DRC9: variants seen among roughly 807,000 people sequenced by gnomAD.
The protein encoded by DRC9 is dynein regulatory complex subunit 9.
chr3:197,925,415 T>A, the DRC9 span, among the ~76,000 whole-genome samples: 1 of 21,302 alleles, frequency 4.7e-5, no homozygotes, highest in Non-Finnish European at 8.7e-5. Flanking sequence ...GTTTGTGGGG[T>A]GGGATATGAG....
the DRC9 span, chr3:197,938,887 T>A: frequency 1.2e-6 from 1 of 811,402 alleles, no homozygotes; most frequent in Non-Finnish European, 2.0e-6. Flanking sequence ...ACTTCTACTC[T>A]ATACTCCAAG....
the DRC9 span, chr3:197,906,725 A>T: frequency 5.4e-4 from 82 of 152,404 alleles, no homozygotes; most frequent in African/African-American, 1.9e-3. Flanking sequence ...AGGTACTTGC[A>T]GCAGGGCTGC....
the DRC9 span, among the ~76,000 whole-genome samples, chr3:197,923,491 G>T: frequency 6.6e-6 from 1 of 152,044 alleles, no homozygotes; most frequent in Non-Finnish European, 1.5e-5. Context: ...CGTTATGGGG[G>T]GGCCAAGGCA....
the DRC9 span, chr3:197,950,043 A>G: frequency 1.0e-6 from 1 of 984,580 alleles, no homozygotes; most frequent in Non-Finnish European, 1.3e-6. Flanking sequence ...TTAGGAAAAT[A>G]ATTGTAAGAG....
chr3:197,956,904 C>G, the DRC9 span: 58,119 of 152,112 alleles, frequency 0.38, 15,812 homozygotes, highest in African/African-American at 0.78. Context: ...GGTTACTGAT[C>G]TCTACAGCAC....
At chr3:197,921,483 G>A in the DRC9 span, among the ~76,000 whole-genome samples, 1 of 105,270 alleles carries the variant, frequency 9.5e-6, no homozygotes, top group Admixed American at 9.9e-5. Context: ...CAGTAACTCC[G>A]GGGATTTAAC....
At chr3:197,926,667 A>G in the DRC9 span, among the ~76,000 whole-genome samples, 1 of 152,090 alleles carries the variant, frequency 6.6e-6, no homozygotes, top group Non-Finnish European at 1.5e-5. Flanking sequence ...CACACTGCCC[A>G]CAGACTGCTC....
At chr3:197,943,707 G>A in the DRC9 span, 9 of 1,226,140 alleles carry the variant, frequency 7.3e-6, no homozygotes, top group African/African-American at 1.1e-4. Flanking sequence ...TACATTTAAT[G>A]GGATAGGTAC....
the DRC9 span, chr3:197,950,056 C>A: frequency 2.0e-6 from 2 of 1,010,244 alleles, no homozygotes; most frequent in Non-Finnish European, 2.5e-6. Flanking sequence ...TGTAAGAGTG[C>A]TATTGAATGT....
At chr3:197,932,124 T>G in the DRC9 span, 58 of 1,581,786 alleles carry the variant, frequency 3.7e-5, no homozygotes, top group South Asian at 6.5e-4. Flanking sequence ...GTAAGAGTGT[T>G]TTAGCACTTT....
the DRC9 span, among the ~76,000 whole-genome samples, chr3:197,901,418 A>T: frequency 6.6e-6 from 1 of 152,126 alleles, no homozygotes. This position sits in a 1 kb window ranked among gnomAD's most constrained non-coding sequence, Gnocchi z 4.4. Context: ...GATTATAGGC[A>T]TGAGCCACCG....
chr3:197,956,628 T>TG, the DRC9 span: 3 of 151,600 alleles, frequency 2.0e-5, no homozygotes, highest in Non-Finnish European at 4.4e-5. Context: ...TGTATGGTTT[T>TG]TTTTTTTTTT....
At chr3:197,910,561 TCTC>T in the DRC9 span, among the ~76,000 whole-genome samples, 1 of 152,164 alleles carries the variant, frequency 6.6e-6, no homozygotes, top group Admixed American at 6.5e-5. Flanking sequence ...ATCTACAAAT[TCTC>T]CTCTTTAACC....
chr3:197,950,139 G>A, the DRC9 span: 9 of 1,231,704 alleles, frequency 7.3e-6, no homozygotes, highest in Non-Finnish European at 9.1e-6. Flanking sequence ...TAAATTGAGG[G>A]CGGAGTCGAA....
the DRC9 span, chr3:197,955,735 CT>C: frequency 1.9e-6 from 3 of 1,597,330 alleles, no homozygotes; most frequent in Admixed American, 1.7e-5. Context: ...GTTTTGTGTT[CT>C]TTTTTCCCTG....
the DRC9 span, chr3:197,894,610 T>G: frequency 1.3e-5 from 2 of 152,202 alleles, no homozygotes; most frequent in Admixed American, 1.3e-4. Context: ...CATTCCATAT[T>G]TGTGTACTTT....
At chr3:197,904,443 G>A in the DRC9 span, among the ~76,000 whole-genome samples, 4 of 152,094 alleles carry the variant, frequency 2.6e-5, no homozygotes, top group Non-Finnish European at 5.9e-5. Flanking sequence ...TCCACTGCTA[G>A]GTATATACCC....
chr3:197,957,067 A>G, the DRC9 span: 51,609 of 152,064 alleles, frequency 0.34, 12,220 homozygotes, highest in African/African-American at 0.68. Flanking sequence ...ATGTATTAGG[A>G]TAAGAGGGTG....
At chr3:197,913,063 AAG>A in the DRC9 span, 9 of 301,122 alleles carry the variant, frequency 3.0e-5, no homozygotes, top group Non-Finnish European at 4.4e-5. Flanking sequence ...GAGTGCCAGG[AAG>A]AGTGTTGACG....
Sources: gnomAD v4.1 joint callset for allele counts (sites outside exome capture counted in the v4.1 genomes callset) on GRCh38, gnomAD v4.1.1 for gene constraint, Gnocchi (gnomAD v3.1) non-coding constraint, MANE v1.5 for transcripts, NCBI Gene and HGNC (gene_info 2026-07-23, HGNC 2026-07-21) for gene names.